TAF3: variants seen among roughly 807,000 people sequenced by gnomAD.
TAF3 encodes TATA-box binding protein associated factor 3, also known as transcription initiation factor TFIID subunit 3.
A neutral mutation model predicts 80.6 loss-of-function variants in TAF3; 7 were observed. That is an observed-to-expected ratio of 0.09 (90% CI 0.05 to 0.16). TAF3 has a LOEUF of 0.16. TAF3 is among the 10% of genes least tolerant of loss of function. The pLI is 1.00. For missense variants in TAF3, 921 were observed against 1,140.2 expected (o/e 0.81, Z 2.77); for synonymous variants, 444 against 446.1 (o/e 1.00, Z 0.06).
At chr10:7,894,537 A>G (rs1445849757) in intron 2 of TAF3, among the ~76,000 whole-genome samples, 1 of 152,214 alleles carries the variant, frequency 6.6e-6, no homozygotes, top group East Asian at 1.9e-4. Flanking sequence ...TGAACTGTTA[A>G]AAGTAGAACA....
At position 7,824,311 on chromosome 10, in the gene TAF3, G is replaced by A; in HGVS notation, c.167-7G>A. On this transcript the variant is annotated splice_region_variant and splice_polypyrimidine_tract_variant and intron_variant, in intron 1 of 6. Transcript: ENST00000344293. ...AATAATTTGATTTGCTTTTCACTTTGTTTCAGATGGCCGAACAGACCCAAT... is the reference window on the plus strand; with the variant it reads ...AATAATTTGATTTGCTTTTCACTTTATTTCAGATGGCCGAACAGACCCAAT... 1 of 1,572,866 alleles carries A rather than the reference G, an allele frequency of 6.4e-7. No homozygotes were observed. Among genetic ancestry groups the A allele is most frequent in the South Asian group, 1.2e-5 (1 of 83,280 alleles).
intron 2 of TAF3, among the ~76,000 whole-genome samples, chr10:7,843,169 G>A (rs1271619829): frequency 6.6e-6 from 1 of 151,942 alleles, no homozygotes; most frequent in Non-Finnish European, 1.5e-5. Context: ...CCAGGCTGGG[G>A]TGCATATAGC....
intron 2 of TAF3, among the ~76,000 whole-genome samples, chr10:7,963,205 GATA>G (rs149114874): frequency 0.011 from 1,666 of 152,270 alleles, 20 homozygotes; most frequent in Middle Eastern, 0.031. Flanking sequence ...TGTCATTCCT[GATA>G]ATAATAATAA....
At position 7,877,846 on chromosome 10, in the gene TAF3, C is replaced by T. The variant is rs934974012; in HGVS notation, c.409+53286C>T. Among the ~76,000 whole-genome samples, 8 of 152,116 alleles carry T rather than the reference C, an allele frequency of 5.3e-5. No individual in the cohort carries two copies. The East Asian group carries it at 1.5e-3, about 29-fold the overall frequency. Reference sequence around the variant, plus strand: ...GCTCAATTCTGTGTCCCTCTCTCTCCTTCTAGTACCGTTTATACACCGTGT... The same window carrying T: ...GCTCAATTCTGTGTCCCTCTCTCTCTTTCTAGTACCGTTTATACACCGTGT... On this transcript the variant is annotated intron_variant, in intron 2 of 6. Coordinates refer to ENST00000344293, the MANE Select transcript of TAF3 (RefSeq NM_031923.4).
At chr10:7,960,471 T>C (rs1838179410) in intron 2 of TAF3, among the ~76,000 whole-genome samples, 1 of 152,256 alleles carries the variant, frequency 6.6e-6, no homozygotes, top group Non-Finnish European at 1.5e-5. Context: ...TGGTTATTTC[T>C]AGTTGCTAAG....
At chr10:7,932,669 A>ATTTTTTTT (rs34907761) in intron 2 of TAF3, among the ~76,000 whole-genome samples, 1 of 78,810 alleles carries the variant, frequency 1.3e-5, no homozygotes, top group Non-Finnish European at 2.3e-5. Flanking sequence ...GTTCCACTTA[A>ATTTTTTTT]TTTTTTTTTT....
chr10:7,990,621 T>C (rs1831824946), intron 4 of TAF3, among the ~76,000 whole-genome samples: 3 of 152,232 alleles, frequency 2.0e-5, no homozygotes, highest in Admixed American at 1.3e-4. Context: ...GAAAAATGGC[T>C]CTTAAATAAG....
chr10:7,947,555 G>A (rs551343646), intron 2 of TAF3, among the ~76,000 whole-genome samples: 2 of 152,322 alleles, frequency 1.3e-5, no homozygotes, highest in East Asian at 1.9e-4. Flanking sequence ...CTTCACTGAG[G>A]GGTGACATTA....
chr10:7,874,679 C>G (rs1014963445), intron 2 of TAF3, among the ~76,000 whole-genome samples: 1 of 148,752 alleles, frequency 6.7e-6, no homozygotes, highest in African/African-American at 2.5e-5. Context: ...TGGACTCTAA[C>G]AGATATGTTT....
At chr10:7,856,356 T>C (rs2131130661) in intron 2 of TAF3, among the ~76,000 whole-genome samples, 1 of 152,092 alleles carries the variant, frequency 6.6e-6, no homozygotes, top group South Asian at 2.1e-4. Context: ...CGTGTGTACC[T>C]GTAATCCCAG....
chr10:7,965,134 A>G lies in TAF3; in HGVS notation c.1624A>G (p.Arg542Gly). The change falls in exon 3 of 7, where the codon AGG (arginine) becomes GGG (glycine). Residue 542 changes from arginine (R) to glycine (G), a missense_variant. By Grantham distance (125) the Arg-to-Gly change is moderately radical. This residue lies in a region of TAF3 where 743 missense variants were observed against 821.0 expected (regional missense o/e 0.90). Coordinates refer to ENST00000344293, the MANE Select transcript of TAF3 (RefSeq NM_031923.4). ...KMKKKEKQRD[R>G]EREKDKNKDK... ...GAAAAAGAAAGAAAAGCAGAGAGAT[A>G]GGGAGAGGGAAAAAGACAAGAACAA... 1 of 1,612,768 alleles carries G rather than the reference A, an allele frequency of 6.2e-7. No homozygotes were observed. The highest frequency in any genetic ancestry group is 8.5e-7 in the Non-Finnish European group (1 of 1,179,546).
intron 2 of TAF3, among the ~76,000 whole-genome samples, chr10:7,854,963 G>C (rs1413064184): frequency 6.6e-6 from 1 of 152,186 alleles, no homozygotes; most frequent in East Asian, 1.9e-4. Context: ...ATTCACCTAA[G>C]CTCCCTTATG....
At chr10:7,979,513 A>G (rs1162645850) in intron 4 of TAF3, among the ~76,000 whole-genome samples, 1 of 152,202 alleles carries the variant, frequency 6.6e-6, no homozygotes, top group Non-Finnish European at 1.5e-5. Flanking sequence ...CCTATTTGGA[A>G]CAGAATGTCT....
Position 7,977,294 on chromosome 10 carries a change from T to C in TAF3, c.2286T>C (p.Thr762=), listed in dbSNP as rs1266859331. 3 of 1,614,188 alleles carry C rather than the reference T, an allele frequency of 1.9e-6. No individual in the cohort carries two copies. Among genetic ancestry groups the C allele is most frequent in the Non-Finnish European group, 2.5e-6 (3 of 1,180,034 alleles). Residue 762 remains threonine (T), a synonymous_variant, in exon 4 of 7, where the codon ACT becomes ACC. Coordinates refer to ENST00000344293, the MANE Select transcript of TAF3 (RefSeq NM_031923.4). ...CGAGTCCAGTTATCCCCAGATTAAC[T>C]CTCCGAGTCGGTGCTGGCCAAGACA... ...LAPSPVIPRL[T]LRVGAGQDKI... is the part of the protein sequence containing the mutation.
chr10:8,010,817 C>G (rs1478744939), intron 5 of TAF3, among the ~76,000 whole-genome samples: 1 of 151,962 alleles, frequency 6.6e-6, no homozygotes, highest in Non-Finnish European at 1.5e-5. Flanking sequence ...GGCTCAGGCA[C>G]AAGAATTGCT....
At chr10:7,904,767 T>G (rs937739299) in intron 2 of TAF3, among the ~76,000 whole-genome samples, 12 of 151,880 alleles carry the variant, frequency 7.9e-5, no homozygotes, top group African/African-American at 2.9e-4. Context: ...TTACCAGCAT[T>G]TGAAACTTGG....
chr10:7,950,509 C>A (rs1035921361), intron 2 of TAF3, among the ~76,000 whole-genome samples: 1 of 152,130 alleles, frequency 6.6e-6, no homozygotes, highest in Non-Finnish European at 1.5e-5. Flanking sequence ...GTTCATGAAG[C>A]ATATTTATTC....
intron 4 of TAF3, among the ~76,000 whole-genome samples, chr10:7,992,699 C>T (rs1831846645): frequency 6.6e-6 from 1 of 152,112 alleles, no homozygotes; most frequent in Non-Finnish European, 1.5e-5. Flanking sequence ...TTCATATGTG[C>T]CCTAGTTTTA....
intron 2 of TAF3, among the ~76,000 whole-genome samples, chr10:7,853,769 G>A (rs1837051626): frequency 6.6e-6 from 1 of 152,236 alleles, no homozygotes; most frequent in Non-Finnish European, 1.5e-5. Flanking sequence ...GACAGAGACT[G>A]TATATCCCAA....
Sources: gnomAD v4.1 joint callset for allele counts (sites outside exome capture counted in the v4.1 genomes callset) on GRCh38, gnomAD v4.1.1 for gene constraint, gnomAD v4.1.1 regional missense constraint, MANE v1.5 for transcripts, NCBI Gene and HGNC (gene_info 2026-07-23, HGNC 2026-07-21) for gene names.